Variants in RAPGEF5 observed in about 807,000 individuals in gnomAD.
RAPGEF5 encodes Rap guanine nucleotide exchange factor 5, also known as M-Ras-regulated GEF.
RAPGEF5 carries 65 observed loss-of-function variants against 125.2 expected under a neutral mutation model. The ratio of observed to expected loss-of-function variants is 0.52; its 90% CI spans 0.43 to 0.64. The LOEUF (loss-of-function observed/expected upper bound fraction) is 0.64, where lower values mean the gene tolerates loss of function less well. Among genes scored for constraint, RAPGEF5 ranks in the 30% least tolerant of loss-of-function variants. RAPGEF5 has a pLI of 0.00. For missense variants in RAPGEF5, 958 were observed against 1,048.1 expected, an observed-to-expected ratio of 0.91 and a Z score of 1.19; for synonymous variants, 391 against 385.9, an observed-to-expected ratio of 1.01 and a Z score of -0.16.
At chr7:22,281,872 C>T (rs1489248176) in intron 6 of RAPGEF5, among the ~76,000 whole-genome samples, 2 of 152,052 alleles carry the variant, frequency 1.3e-5, no homozygotes, top group African/African-American at 2.4e-5. Context: ...AAATCTTAAC[C>T]TCTCCCTCTG....
intron 23 of RAPGEF5, among the ~76,000 whole-genome samples, chr7:22,133,078 C>G (rs1782964773): frequency 1.3e-5 from 2 of 152,222 alleles, no homozygotes; most frequent in African/African-American, 4.8e-5. Context: ...AAAGTGCTTC[C>G]CTCCTCACTC....
At chr7:22,228,929 C>T (rs541962365) in intron 8 of RAPGEF5, among the ~76,000 whole-genome samples, 5 of 152,186 alleles carry the variant, frequency 3.3e-5, no homozygotes, top group East Asian at 1.9e-4. Flanking sequence ...TCCTATGTGC[C>T]GGGATTGCCA....
chr7:22,240,629 T>C (rs907037468), intron 7 of RAPGEF5, among the ~76,000 whole-genome samples: 2 of 152,268 alleles, frequency 1.3e-5, no homozygotes, highest in Admixed American at 6.5e-5. Context: ...TGCCTCAGCC[T>C]CTCAAAGTGC....
chr7:22,356,112 A>C (rs1784415515), intron 1 of RAPGEF5: 1 of 985,230 alleles, frequency 1.0e-6, no homozygotes, highest in Admixed American at 6.1e-5. Context: ...TGCTTCTCTT[A>C]AAAATACAAA....
intron 11 of RAPGEF5, among the ~76,000 whole-genome samples, chr7:22,171,615 C>T (rs1053595687): frequency 2.6e-5 from 4 of 152,224 alleles, no homozygotes; most frequent in African/African-American, 9.6e-5. Context: ...TCTCCGGCCT[C>T]AGCCTCCTGA....
chr7:22,178,521 G>A (rs529129624), intron 11 of RAPGEF5, among the ~76,000 whole-genome samples: 2 of 152,280 alleles, frequency 1.3e-5, no homozygotes, highest in Admixed American at 6.5e-5. Context: ...GGTCTGACAA[G>A]TACCTGTTAA....
intron 11 of RAPGEF5, among the ~76,000 whole-genome samples, chr7:22,189,515 T>C (rs1419980731): frequency 6.6e-6 from 1 of 152,156 alleles, no homozygotes; most frequent in Admixed American, 6.5e-5. Flanking sequence ...CACAGCTCCT[T>C]GTTTTTTTTC....
At chr7:22,148,097 G>A (rs530317657) in intron 18 of RAPGEF5, among the ~76,000 whole-genome samples, 15 of 151,894 alleles carry the variant, frequency 9.9e-5, no homozygotes, top group African/African-American at 3.6e-4. Flanking sequence ...TGCTCGGAAA[G>A]CAATGACCAA....
chr7:22,174,544 C>A (rs942472093), intron 11 of RAPGEF5, among the ~76,000 whole-genome samples: 1 of 152,148 alleles, frequency 6.6e-6, no homozygotes, highest in Non-Finnish European at 1.5e-5. Flanking sequence ...ACTTTTACTG[C>A]CTGTGGACAT....
intron 1 of RAPGEF5, among the ~76,000 whole-genome samples, chr7:22,323,454 G>T (rs1249180506): frequency 6.6e-6 from 1 of 152,174 alleles, no homozygotes; most frequent in African/African-American, 2.4e-5. Context: ...ATTTTATTTA[G>T]TTCTTGGGAA....
intron 5 of RAPGEF5, among the ~76,000 whole-genome samples, chr7:22,291,761 AT>A (rs1228623988): frequency 1.3e-5 from 2 of 152,208 alleles, no homozygotes; most frequent in African/African-American, 2.4e-5. Context: ...ATGGCTTTGT[AT>A]TTGCTTTCTC....
chr7:22,149,525 ACAG>A (rs1395995911), intron 18 of RAPGEF5, among the ~76,000 whole-genome samples: 1 of 152,228 alleles, frequency 6.6e-6, no homozygotes, highest in Non-Finnish European at 1.5e-5. Context: ...TTTAGGAACC[ACAG>A]CAGCAATGAA....
At chr7:22,201,652 T>C (rs1785280149) in intron 9 of RAPGEF5, among the ~76,000 whole-genome samples, 1 of 152,250 alleles carries the variant, frequency 6.6e-6, no homozygotes, top group South Asian at 2.1e-4. Flanking sequence ...CTAGTGCCTA[T>C]ATCAGTTTAC....
rs750823059 is a variant in RAPGEF5 at position 22,308,409 on chromosome 7, ATTC to A, written c.607_609del (p.Glu203del). 3.8e-6 allele frequency: 6 copies of A among 1,585,590 alleles called. No individual in the cohort carries two copies. Among genetic ancestry groups the A allele is most frequent in the African/African-American group, 1.3e-5 (1 of 74,616 alleles). ...AGTAAAAGCTTGACACCATTTTGCC[ATTC>A]TTCTTCTCTTTCAAATTCACAGTAC... On this transcript the variant is annotated inframe_deletion, in exon 5 of 26. Coordinates refer to ENST00000665637, the MANE Select transcript of RAPGEF5 (RefSeq NM_012294.5).
intron 11 of RAPGEF5, chr7:22,192,039 T>C (rs1421582901): frequency 5.9e-6 from 1 of 169,004 alleles, no homozygotes; most frequent in Admixed American, 5.7e-5. Flanking sequence ...TAAAGCAGTC[T>C]GGTAATCAGT....
At chr7:22,316,460 CATATATATAT>C (rs757768702) in intron 2 of RAPGEF5, among the ~76,000 whole-genome samples, 1,263 of 92,650 alleles carry the variant, frequency 0.014, 40 homozygotes, top group South Asian at 0.041. Context: ...TATACATAGA[CATATATATAT>C]ATATATATAT....
At chr7:22,287,837 C>T (rs1782832828) in intron 6 of RAPGEF5, among the ~76,000 whole-genome samples, 1 of 152,190 alleles carries the variant, frequency 6.6e-6, no homozygotes, top group Non-Finnish European at 1.5e-5. Flanking sequence ...AATTTTAGAA[C>T]TTGAAGGAAC....
chr7:22,120,067 A>G lies in RAPGEF5; in HGVS notation c.*2339T>C, dbSNP rs910980384. On this transcript the variant is annotated 3_prime_UTR_variant, in exon 26 of 26. Coordinates refer to ENST00000665637, the MANE Select transcript of RAPGEF5 (RefSeq NM_012294.5). This position sits in a 1 kb window ranked among gnomAD's most constrained non-coding sequence, Gnocchi z 4.0. ...GCAAACCTCTGGAGACAGTTGTTAA[A>G]CTTCAGAAAGATGCAGAGATTTTAG... is the stretch of plus-strand genomic sequence containing the variant. The G allele has an allele frequency of 6.6e-6, 1 of 152,220 alleles. No homozygotes were observed. The highest frequency in any genetic ancestry group is 6.5e-5 in the Admixed American group (1 of 15,286). 9.4% of individuals were successfully genotyped at this position (152,220 alleles called of 1,614,324 possible). A position where few individuals can be genotyped will look rare whatever the true frequency, so the allele number is the denominator to read the frequency against.
At chr7:22,304,561 G>A (rs1783288103) in intron 5 of RAPGEF5, among the ~76,000 whole-genome samples, 1 of 152,162 alleles carries the variant, frequency 6.6e-6, no homozygotes, top group African/African-American at 2.4e-5. Flanking sequence ...TTTGTTTTCC[G>A]AGTGGCGGAG....
Sources: allele counts gnomAD v4.1 joint callset (sites outside exome capture counted in the v4.1 genomes callset), GRCh38; gene constraint gnomAD v4.1.1; non-coding constraint Gnocchi (gnomAD v3.1); transcripts MANE v1.5; gene names NCBI Gene and HGNC (gene_info 2026-07-23, HGNC 2026-07-21).